The following AIG1 variants were observed in gnomAD, a reference collection of about 807,000 sequenced individuals.
AIG1 encodes the protein androgen-induced gene 1 protein.
In AIG1, 23 loss-of-function variants were observed where a neutral mutation model predicts 31.4. The observed-to-expected ratio is 0.73, with a 90% CI of 0.53 to 1.04. The LOEUF (loss-of-function observed/expected upper bound fraction) is 1.04, where lower values mean the gene tolerates loss of function less well. Among genes scored for constraint, AIG1 ranks in the 50% least tolerant of loss-of-function variants. The pLI is 0.00. For synonymous variants in AIG1, 100 were observed against 110.5 expected (o/e 0.90, Z 0.60); for missense variants, 274 against 295.0 (o/e 0.93, Z 0.52).
Position 143,334,100 on chromosome 6 carries a change from G to A in AIG1, c.679+655G>A, listed in dbSNP as rs770208005. 6.0e-5 allele frequency: 93 copies of A among 1,549,872 alleles called. 1 individual carries two copies. Among genetic ancestry groups the A allele is most frequent in the South Asian group, 6.0e-4 (50 of 83,996 alleles). On this transcript the variant is annotated intron_variant, in intron 5 of 5. Transcript: ENST00000357847. This position sits in a 1 kb window ranked among gnomAD's most constrained non-coding sequence, Gnocchi z 5.1. ...CAGAGCCTCCATCTTGGCAAGGCAC[G>A]TAATCTTATCCAAGCTGTGCAAAAC... is the stretch of plus-strand genomic sequence containing the variant.
chr6:143,118,899 G>A (rs1781989779), intron 1 of AIG1, among the ~76,000 whole-genome samples: 1 of 150,752 alleles, frequency 6.6e-6, no homozygotes, highest in African/African-American at 2.4e-5. Flanking sequence ...TTTGAGACAG[G>A]GTCTTATTCT....
At chr6:143,103,530 C>T (rs774333673) in intron 1 of AIG1, among the ~76,000 whole-genome samples, 54 of 104,648 alleles carry the variant, frequency 5.2e-4, no homozygotes, top group East Asian at 1.7e-3. Flanking sequence ...TTTTTTGAGA[C>T]GGAGTCTCGC....
chr6:143,060,745 G>A (rs1776144483), upstream of AIG1: 3 of 211,864 alleles, frequency 1.4e-5, no homozygotes, highest in African/African-American at 2.4e-5. Flanking sequence ...CAGGTCACCC[G>A]GGCGCTCGCG....
intron 2 of AIG1, among the ~76,000 whole-genome samples, chr6:143,160,835 G>T (rs974416520): frequency 6.6e-6 from 1 of 152,196 alleles, no homozygotes; most frequent in Non-Finnish European, 1.5e-5. Flanking sequence ...TGGGCCTCCT[G>T]ACCTTCTAGT....
chr6:143,181,793 A>G (rs1052126022), intron 3 of AIG1, among the ~76,000 whole-genome samples: 4 of 151,646 alleles, frequency 2.6e-5, no homozygotes, highest in African/African-American at 4.9e-5. Flanking sequence ...AGGAAAAGAG[A>G]AAAAGAAGGA....
chr6:143,098,675 T>C (rs903798328), intron 1 of AIG1, among the ~76,000 whole-genome samples: 2 of 152,220 alleles, frequency 1.3e-5, no homozygotes, highest in African/African-American at 4.8e-5. Context: ...TAAAAAACTT[T>C]TCTTGATTTT....
At position 143,136,940 on chromosome 6, in the gene AIG1, A is replaced by T. The variant is rs747044610; in HGVS notation, c.247A>T (p.Ile83Phe). The change falls in exon 2 of 6, where the codon ATC becomes TTC. Residue 83 changes from isoleucine (I) to phenylalanine (F), a missense_variant. Coordinates refer to ENST00000357847, the MANE Select transcript of AIG1 (RefSeq NM_016108.4). The part of the protein sequence containing the change: ...QEQERQLKKL[I>F]SLRDWMLAVL... ...GCAAGAGAGGCAGCTCAAGAAGCTC[A>T]TCTCTCTCCGGGACTGGATGTTAGC... 8 of 1,531,234 alleles carry T rather than the reference A, an allele frequency of 5.2e-6. No individual in the cohort carries two copies. In the Admixed American group the frequency reaches 1.4e-4, roughly 28 times the overall value. The allele number at this position is 1,531,234 out of a possible 1,614,324, so 94.9% of individuals were successfully genotyped here.
intron 1 of AIG1, chr6:143,126,195 A>C (rs543155739): frequency 4.7e-4 from 72 of 152,282 alleles, no homozygotes; most frequent in African/African-American, 1.5e-3. Flanking sequence ...CGGTGCATCT[A>C]ATGGACATCG....
intron 1 of AIG1, among the ~76,000 whole-genome samples, chr6:143,106,099 A>C (rs1270096699): frequency 1.3e-5 from 2 of 152,172 alleles, no homozygotes; most frequent in Admixed American, 6.5e-5. Flanking sequence ...TAATTAATGA[A>C]GTTTAGGTGA....
At chr6:143,241,705 G>A (rs544389360) in intron 3 of AIG1, among the ~76,000 whole-genome samples, 3 of 152,164 alleles carry the variant, frequency 2.0e-5, no homozygotes, top group Non-Finnish European at 4.4e-5. Flanking sequence ...GAAGCACAGA[G>A]CATTTAAGCA....
At chr6:143,322,104 A>T (rs149385403) in intron 4 of AIG1, among the ~76,000 whole-genome samples, 20 of 152,324 alleles carry the variant, frequency 1.3e-4, no homozygotes, top group African/African-American at 4.8e-4. Context: ...TAGAGCAGGA[A>T]CTCAGAAAGG....
At chr6:143,168,863 G>T (rs57886019) in intron 3 of AIG1, among the ~76,000 whole-genome samples, 1,986 of 151,996 alleles carry the variant, frequency 0.013, 49 homozygotes, top group African/African-American at 0.044. Flanking sequence ...AATTCAAATT[G>T]CATAAATTTT....
At chr6:143,168,327 T>C (rs1383221157) in intron 3 of AIG1, among the ~76,000 whole-genome samples, 2 of 152,076 alleles carry the variant, frequency 1.3e-5, no homozygotes, top group African/African-American at 4.8e-5. Flanking sequence ...TACATATGTA[T>C]ACATGTGCCA....
intron 1 of AIG1, chr6:143,126,360 T>A (rs1489136686): frequency 6.6e-6 from 1 of 152,234 alleles, no homozygotes; most frequent in East Asian, 1.9e-4. Flanking sequence ...TTCAGATGTC[T>A]CAGGCAAGGA....
intron 1 of AIG1, among the ~76,000 whole-genome samples, chr6:143,121,993 A>G (rs1204459607): frequency 6.6e-6 from 1 of 152,160 alleles, no homozygotes. Flanking sequence ...AAAATTATTG[A>G]TAGTTTTAAA....
intron 1 of AIG1, among the ~76,000 whole-genome samples, chr6:143,093,140 A>G (rs980760305): frequency 6.6e-6 from 1 of 152,222 alleles, no homozygotes; most frequent in African/African-American, 2.4e-5. Flanking sequence ...TGAGAGTCCT[A>G]GATGGCATCT....
At chr6:143,313,949 A>G (rs2128709551) in intron 4 of AIG1, among the ~76,000 whole-genome samples, 1 of 152,216 alleles carries the variant, frequency 6.6e-6, no homozygotes, top group South Asian at 2.1e-4. Flanking sequence ...GGAACAAGGC[A>G]AGGATATTCC....
chr6:143,341,916 G>A (rs1409494873), downstream of AIG1, among the ~76,000 whole-genome samples: 1 of 152,096 alleles, frequency 6.6e-6, no homozygotes, highest in Non-Finnish European at 1.5e-5. Flanking sequence ...ATCGAATGAA[G>A]GTACTAAAAA....
At chr6:143,112,885 C>T (rs1781411257) in intron 1 of AIG1, among the ~76,000 whole-genome samples, 1 of 152,078 alleles carries the variant, frequency 6.6e-6, no homozygotes, top group African/African-American at 2.4e-5. Context: ...CATGATATGG[C>T]TTGGTGGGAG....
Sources: gnomAD v4.1 joint callset for allele counts (sites outside exome capture counted in the v4.1 genomes callset) on GRCh38, gnomAD v4.1.1 for gene constraint, Gnocchi (gnomAD v3.1) non-coding constraint, MANE v1.5 for transcripts, NCBI Gene and HGNC (gene_info 2026-07-23, HGNC 2026-07-21) for gene names.